KIAA0319L: variants seen among roughly 807,000 people sequenced by gnomAD.
The protein encoded by KIAA0319L is KIAA0319 like.
A neutral mutation model predicts 120.1 loss-of-function variants in KIAA0319L; 55 were observed. That is an observed-to-expected ratio of 0.46 (90% CI 0.37 to 0.57). KIAA0319L has a LOEUF of 0.57. Ranked by LOEUF, KIAA0319L falls within the 20% of genes least tolerant of loss-of-function variation. The pLI, the probability that KIAA0319L is intolerant of heterozygous loss-of-function variation, is 0.00. For synonymous variants in KIAA0319L, 398 were observed against 471.9 expected (o/e 0.84, Z 2.03); for missense variants, 1,049 against 1,255.3 (o/e 0.84, Z 2.48).
Position 35,454,345 on chromosome 1 carries a change from A to G in KIAA0319L, c.1780+17T>C. 1 of 1,613,458 alleles carries G rather than the reference A, an allele frequency of 6.2e-7. No homozygotes were observed. Among genetic ancestry groups the G allele is most frequent in the East Asian group, 2.2e-5 (1 of 44,860 alleles). ...ACCCACCAATAGAAGAGCCTGAACC[A>G]CAAGGCTGGAGCTTACCAGGTTGCA... On this transcript the variant is annotated intron_variant, in intron 11 of 20. Coordinates refer to ENST00000325722, the MANE Select transcript of KIAA0319L (RefSeq NM_024874.5).
chr1:35,537,583 T>C (rs1157538598), intron 2 of KIAA0319L, among the ~76,000 whole-genome samples: 1 of 141,886 alleles, frequency 7.0e-6, no homozygotes, highest in Admixed American at 7.2e-5. Context: ...CCATTGAAAC[T>C]CTCTCTTTTT....
chr1:35,492,705 T>C (rs954437178), intron 3 of KIAA0319L, among the ~76,000 whole-genome samples: 6 of 152,042 alleles, frequency 3.9e-5, no homozygotes, highest in Admixed American at 6.6e-5. Flanking sequence ...TTATTCCTGA[T>C]AAAAACTCAC....
chr1:35,449,899 T>C lies in KIAA0319L; in HGVS notation c.2321A>G (p.Asp774Gly). 1 of 1,614,068 alleles carries C rather than the reference T, an allele frequency of 6.2e-7. No individual in the cohort carries two copies. Among genetic ancestry groups the C allele is most frequent in the Non-Finnish European group, 8.5e-7 (1 of 1,179,936 alleles). The change falls in exon 15 of 21, where the codon GAC (aspartate) becomes GGC (glycine). Residue 774 changes from aspartate to glycine, a missense_variant. Transcript: ENST00000325722. Reference protein sequence around the residue: ...LKVTDAKGESDTDRTTVEVKP... With the variant: ...LKVTDAKGESGTDRTTVEVKP... The stretch of plus-strand genomic sequence containing the variant: ...CACCTCCACAGTGGTCCGGTCTGTG[T>C]CACTCTCACCCTTTGCATCGGTCAC...
chr1:35,444,320 C>G lies in KIAA0319L; in HGVS notation c.2514-17G>C, dbSNP rs777764304. 8.0e-5 allele frequency: 127 copies of G among 1,595,200 alleles called. 2 individuals are homozygous for G. Among genetic ancestry groups the G allele is most frequent in the Admixed American group, 4.5e-4 (25 of 56,010 alleles). On this transcript the variant is annotated splice_polypyrimidine_tract_variant and intron_variant, in intron 16 of 20. Transcript: ENST00000325722. Reference sequence around the variant, plus strand: ...ATTTTGGTGCTGCAGAGACATGCAACAGTACTAATGAGCTGAAGCGGTCCA... The same window carrying G: ...ATTTTGGTGCTGCAGAGACATGCAAGAGTACTAATGAGCTGAAGCGGTCCA...
intron 2 of KIAA0319L, among the ~76,000 whole-genome samples, chr1:35,539,930 T>TC (rs1646726852): frequency 6.6e-6 from 1 of 152,190 alleles, no homozygotes; most frequent in African/African-American, 2.4e-5. Flanking sequence ...CCACTCCATC[T>TC]CCCAGGTCTG....
chr1:35,551,073 A>AT (rs1357094669), intron 2 of KIAA0319L, among the ~76,000 whole-genome samples: 1 of 152,096 alleles, frequency 6.6e-6, no homozygotes, highest in East Asian at 1.9e-4. Flanking sequence ...AAAAATATGA[A>AT]TTTTTTTAGG....
At position 35,488,625 on chromosome 1, in the gene KIAA0319L, A is replaced by G. The variant is rs144906922; in HGVS notation, c.667-9413T>C. On this transcript the variant is annotated intron_variant, in intron 3 of 20. Coordinates refer to ENST00000325722, the MANE Select transcript of KIAA0319L (RefSeq NM_024874.5). ...AAATAAAAGAAATAGTAATCAAAGA[A>G]TAGAACATTTAGGAATACAAAGGCT... Among the ~76,000 whole-genome samples, 369 of 152,352 alleles carry G rather than the reference A, an allele frequency of 2.4e-3. 3 individuals carry two copies. The highest frequency in any genetic ancestry group is 7.9e-3 in the African/African-American group (328 of 41,578).
intron 2 of KIAA0319L, among the ~76,000 whole-genome samples, chr1:35,546,786 C>A (rs886531092): frequency 2.6e-5 from 4 of 152,038 alleles, no homozygotes; most frequent in African/African-American, 9.7e-5. Flanking sequence ...CCTTCAACAA[C>A]CTTCTCTACT....
At chr1:35,458,822 A>T (rs1170652199) in intron 9 of KIAA0319L, among the ~76,000 whole-genome samples, 3 of 152,180 alleles carry the variant, frequency 2.0e-5, no homozygotes, top group African/African-American at 7.2e-5. Flanking sequence ...TAAATAGAAA[A>T]ATTCCGACAT....
intron 3 of KIAA0319L, among the ~76,000 whole-genome samples, chr1:35,504,126 T>G (rs915377373): frequency 1.3e-5 from 2 of 151,710 alleles, no homozygotes; most frequent in Non-Finnish European, 1.5e-5. Flanking sequence ...CCTCAATTGA[T>G]ACACCTGCCT....
chr1:35,492,375 G>A (rs758407701), intron 3 of KIAA0319L, among the ~76,000 whole-genome samples: 2 of 152,164 alleles, frequency 1.3e-5, no homozygotes, highest in East Asian at 1.9e-4. Context: ...TTAGCTGGGT[G>A]TGGTGGCATG....
chr1:35,535,182 G>T (rs1646529888), intron 2 of KIAA0319L, among the ~76,000 whole-genome samples: 1 of 149,534 alleles, frequency 6.7e-6, no homozygotes, highest in African/African-American at 2.5e-5. Context: ...TTTATAGGCA[G>T]AAGAGTAGGG....
At chr1:35,481,821 T>C (rs1203892061) in intron 3 of KIAA0319L, among the ~76,000 whole-genome samples, 2 of 122,634 alleles carry the variant, frequency 1.6e-5, no homozygotes, top group Non-Finnish European at 3.3e-5. Context: ...TTTCTTTTTT[T>C]TTTTTTTTTT....
chr1:35,454,735 A>G (rs1476710790), intron 10 of KIAA0319L: 1 of 793,154 alleles, frequency 1.3e-6, no homozygotes. Flanking sequence ...CAGAACTCTC[A>G]TAAGAGAGGG....
intron 2 of KIAA0319L, chr1:35,533,311 A>C (rs1373127020): frequency 6.6e-6 from 1 of 152,196 alleles, no homozygotes; most frequent in South Asian, 2.1e-4. Flanking sequence ...TTCTAACTAA[A>C]TTCATCAGAC....
intron 2 of KIAA0319L, among the ~76,000 whole-genome samples, chr1:35,541,364 T>C (rs949751085): frequency 8.2e-5 from 12 of 146,790 alleles, no homozygotes; most frequent in African/African-American, 3.1e-4. Flanking sequence ...TTTTTTTTTT[T>C]TTTGAGATGG....
intron 9 of KIAA0319L, among the ~76,000 whole-genome samples, chr1:35,458,677 T>C (rs978441953): frequency 2.0e-5 from 3 of 152,180 alleles, no homozygotes; most frequent in African/African-American, 7.2e-5. Flanking sequence ...CCATAATACC[T>C]GTTATAAGAA....
At chr1:35,473,275 T>G (rs1411119719) in intron 5 of KIAA0319L, among the ~76,000 whole-genome samples, 2 of 151,048 alleles carry the variant, frequency 1.3e-5, no homozygotes. Flanking sequence ...TTTTTGTATT[T>G]TTGGTAGAGA....
chr1:35,515,769 G>A (rs996826408), intron 2 of KIAA0319L, among the ~76,000 whole-genome samples: 21 of 151,764 alleles, frequency 1.4e-4, no homozygotes, highest in African/African-American at 4.8e-4. Context: ...TCCAGGAGTT[G>A]GTTTCTTGAA....
Sources: allele counts gnomAD v4.1 joint callset (sites outside exome capture counted in the v4.1 genomes callset), GRCh38; gene constraint gnomAD v4.1.1; transcripts MANE v1.5; gene names NCBI Gene and HGNC (gene_info 2026-07-23, HGNC 2026-07-21).